CACNA2D3: variants seen among roughly 807,000 people sequenced by gnomAD.
CACNA2D3 encodes voltage-dependent calcium channel subunit alpha-2/delta-3.
Under a neutral mutation model 160.6 loss-of-function variants are expected in CACNA2D3, and 60 were observed. The ratio of observed to expected loss-of-function variants is 0.37; its 90% CI spans 0.30 to 0.46. The LOEUF is 0.46. Ranked by LOEUF, CACNA2D3 falls within the 20% of genes least tolerant of loss-of-function variation. CACNA2D3 has a pLI of 1.00. For missense variants in CACNA2D3, 1,205 were observed against 1,365.0 expected (o/e 0.88, Z 1.85); for synonymous variants, 558 against 492.9 (o/e 1.13, Z -1.75).
intron 3 of CACNA2D3, among the ~76,000 whole-genome samples, chr3:54,376,550 C>T (rs2107553175): frequency 6.6e-6 from 1 of 152,240 alleles, no homozygotes; most frequent in Middle Eastern, 3.4e-3. Context: ...TCAATAATTG[C>T]TGTTATCATC....
intron 3 of CACNA2D3, among the ~76,000 whole-genome samples, chr3:54,363,009 A>T (rs1331632638): frequency 6.6e-6 from 1 of 152,120 alleles, no homozygotes; most frequent in Non-Finnish European, 1.5e-5. Context: ...ATCCTGGTCA[A>T]CATGGTGAAA....
intron 17 of CACNA2D3, among the ~76,000 whole-genome samples, chr3:54,848,871 G>C (rs142210545): frequency 9.1e-4 from 138 of 152,294 alleles, no homozygotes; most frequent in African/African-American, 3.2e-3. Flanking sequence ...CAGTAAATGA[G>C]ATAATGCAAG....
At chr3:54,607,876 C>A (rs996229048) in intron 9 of CACNA2D3, among the ~76,000 whole-genome samples, 1 of 152,124 alleles carries the variant, frequency 6.6e-6, no homozygotes, top group Non-Finnish European at 1.5e-5. Context: ...TACATTCATA[C>A]AGAAGAACTG....
chr3:54,712,971 C>T (rs1238026167), intron 11 of CACNA2D3, among the ~76,000 whole-genome samples: 3 of 152,172 alleles, frequency 2.0e-5, no homozygotes, highest in East Asian at 1.9e-4. Flanking sequence ...ATCACAAACT[C>T]CTAGACATCA....
chr3:54,342,685 G>A (rs1698379337), intron 3 of CACNA2D3, among the ~76,000 whole-genome samples: 1 of 152,192 alleles, frequency 6.6e-6, no homozygotes, highest in Non-Finnish European at 1.5e-5. Flanking sequence ...TTTAAACTTT[G>A]AAAACACCTC....
chr3:54,480,227 G>A (rs1700910952), intron 4 of CACNA2D3, among the ~76,000 whole-genome samples: 1 of 152,168 alleles, frequency 6.6e-6, no homozygotes, highest in Non-Finnish European at 1.5e-5. Flanking sequence ...CTAAAGGTGT[G>A]CTACAGGTGT....
intron 11 of CACNA2D3, among the ~76,000 whole-genome samples, chr3:54,717,081 C>G (rs1047123983): frequency 6.6e-6 from 1 of 152,198 alleles, no homozygotes. Context: ...TGTTATTGCA[C>G]CAGAACCTTA....
intron 13 of CACNA2D3, among the ~76,000 whole-genome samples, chr3:54,801,174 G>A (rs1393505331): frequency 6.6e-6 from 1 of 151,986 alleles, no homozygotes; most frequent in Admixed American, 6.6e-5. Context: ...TTTTATTAGA[G>A]ATGGGGTTTC....
intron 13 of CACNA2D3, among the ~76,000 whole-genome samples, chr3:54,805,113 T>C (rs1167200684): frequency 3.3e-5 from 5 of 152,066 alleles, no homozygotes; most frequent in African/African-American, 9.7e-5. Context: ...AGATCCAAAA[T>C]TGACACCCTA....
chr3:54,809,743 C>G (rs1231977102), intron 13 of CACNA2D3, among the ~76,000 whole-genome samples: 1 of 149,482 alleles, frequency 6.7e-6, no homozygotes. Context: ...TTCTTTTTCT[C>G]TCCCTCCCTC....
intron 12 of CACNA2D3, among the ~76,000 whole-genome samples, chr3:54,759,636 GA>G (rs1702044324): frequency 6.6e-6 from 1 of 152,158 alleles, no homozygotes; most frequent in African/African-American, 2.4e-5. Context: ...TCTACATAGT[GA>G]AATATAAGTT....
At chr3:54,809,933 C>T (rs1051503072) in intron 13 of CACNA2D3, among the ~76,000 whole-genome samples, 1 of 152,054 alleles carries the variant, frequency 6.6e-6, no homozygotes, top group Non-Finnish European at 1.5e-5. Flanking sequence ...AAAACCTAAA[C>T]AAGTAAAGAG....
At chr3:54,326,920 TTGA>T (rs1362628254) in intron 3 of CACNA2D3, among the ~76,000 whole-genome samples, 6 of 152,220 alleles carry the variant, frequency 3.9e-5, no homozygotes, top group Non-Finnish European at 8.8e-5. Flanking sequence ...ATTTTTTATG[TTGA>T]TGTATCTTGT....
intron 27 of CACNA2D3, among the ~76,000 whole-genome samples, chr3:54,935,940 G>A (rs893731968): frequency 2.6e-5 from 4 of 152,160 alleles, no homozygotes; most frequent in Admixed American, 1.3e-4. Context: ...AATCCCCTTT[G>A]TGAGTCCAAT....
At chr3:54,764,563 T>C (rs1014182066) in intron 13 of CACNA2D3, among the ~76,000 whole-genome samples, 9 of 152,222 alleles carry the variant, frequency 5.9e-5, no homozygotes, top group African/African-American at 2.2e-4. Context: ...GAAAGGTAGC[T>C]GGTCTGCACA....
At chr3:54,285,684 A>C (rs915326482) in intron 2 of CACNA2D3, among the ~76,000 whole-genome samples, 1 of 152,184 alleles carries the variant, frequency 6.6e-6, no homozygotes, top group Non-Finnish European at 1.5e-5. Context: ...ACCCCCCAGT[A>C]GGGGCAGACA....
chr3:54,433,506 A>G (rs1346115028), intron 4 of CACNA2D3, among the ~76,000 whole-genome samples: 2 of 152,354 alleles, frequency 1.3e-5, no homozygotes, highest in East Asian at 1.9e-4. Flanking sequence ...TCCTCCTTGG[A>G]CAACATTAGA....
At chr3:54,257,400 A>G (rs1474605563) in intron 2 of CACNA2D3, among the ~76,000 whole-genome samples, 2 of 152,150 alleles carry the variant, frequency 1.3e-5, no homozygotes, top group African/African-American at 2.4e-5. Flanking sequence ...CTTTTGAGAG[A>G]GTAATTGGTT....
intron 13 of CACNA2D3, among the ~76,000 whole-genome samples, chr3:54,807,300 T>A (rs951215901): frequency 1.3e-5 from 2 of 151,946 alleles, no homozygotes; most frequent in African/African-American, 2.4e-5. Context: ...TTCGCAACCT[T>A]CTCATCTAAC....
Sources: gnomAD v4.1 joint callset for allele counts (sites outside exome capture counted in the v4.1 genomes callset) on GRCh38, gnomAD v4.1.1 for gene constraint, MANE v1.5 for transcripts, NCBI Gene and HGNC (gene_info 2026-07-23, HGNC 2026-07-21) for gene names.